TRIM23: variants seen among roughly 807,000 people sequenced by gnomAD.
The protein encoded by TRIM23 is tripartite motif containing 23.
Under a neutral mutation model 71.0 loss-of-function variants are expected in TRIM23, and 27 were observed. That is an observed-to-expected ratio of 0.38 (90% confidence interval 0.28 to 0.52). TRIM23 has a LOEUF of 0.52. TRIM23 is among the 20% of genes least tolerant of loss of function. TRIM23 has a pLI of 0.84. For synonymous variants in TRIM23, 234 were observed against 238.0 expected, an observed-to-expected ratio of 0.98 and a Z score of 0.16; for missense variants, 482 against 692.3, an observed-to-expected ratio of 0.70 and a Z score of 3.41.
chr5:65,604,996 T>G lies in TRIM23; in HGVS notation c.1094A>C (p.Glu365Ala). The G allele has an allele frequency of 6.2e-7, 1 of 1,613,976 alleles. No homozygotes were observed. The highest frequency in any genetic ancestry group is 8.5e-7 in the Non-Finnish European group (1 of 1,179,952). Residue 365 changes from glutamate to alanine, a missense_variant, in exon 7 of 11, where the codon GAA (glutamate) becomes GCA (alanine). Glu to Ala is a moderately radical substitution (Grantham distance 107). Transcript: ENST00000231524. ...CTGCTGCTGCTGTTTCTGCAATGTT[T>G]CCAGTAACCTTGTAATTTCCTGTTT... Reference protein sequence around the residue: ...LAKQEITRLLETLQKQQQQFT... With the variant: ...LAKQEITRLLATLQKQQQQFT...
intron 2 of TRIM23, among the ~76,000 whole-genome samples, chr5:65,616,851 A>G (rs1754790876): frequency 6.6e-6 from 1 of 151,666 alleles, no homozygotes; most frequent in Non-Finnish European, 1.5e-5. Flanking sequence ...CCTCCCAAGT[A>G]GCTGGGATTA....
At chr5:65,613,928 G>GT (rs1440977691) in intron 3 of TRIM23, 170 bp downstream of exon 3, 2 of 1,506,088 alleles carry the variant, frequency 1.3e-6, no homozygotes, top group East Asian at 2.5e-5. Context: ...AATAATTCTA[G>GT]TTTTTTCTCT....
chr5:65,596,928 G>T, intron 8 of TRIM23, 123 bp downstream of exon 8: 1 of 1,206,250 alleles, frequency 8.3e-7, no homozygotes, highest in Non-Finnish European at 1.2e-6. Flanking sequence ...TCTCTGAGAT[G>T]CTGATATCTT....
chr5:65,589,938 T>G lies in TRIM23; in HGVS notation c.*1831A>C, dbSNP rs1238347052. 1 of 173,028 alleles carries G rather than the reference T, an allele frequency of 5.8e-6. No individual in the cohort carries two copies. Among genetic ancestry groups the G allele is most frequent in the East Asian group, 1.5e-4 (1 of 6,490 alleles). The allele number at this position is 173,028 out of a possible 1,614,324, so 10.7% of individuals were successfully genotyped here. ...AGACTAGCACAGTCTTAACTAATGA[T>G]TAGTGAAATAATACAACCACAAATA... On this transcript the variant is annotated 3_prime_UTR_variant, in exon 11 of 11. Transcript: ENST00000231524.
intron 2 of TRIM23, among the ~76,000 whole-genome samples, chr5:65,614,551 A>T (rs992018123): frequency 4.6e-5 from 7 of 152,128 alleles, no homozygotes; most frequent in Non-Finnish European, 1.0e-4. Context: ...CCCAGTCAAC[A>T]TGGTGAAATC....
chr5:65,598,842 T>A (rs1238955178), intron 7 of TRIM23, among the ~76,000 whole-genome samples: 3 of 151,286 alleles, frequency 2.0e-5, no homozygotes, highest in Non-Finnish European at 4.4e-5. Flanking sequence ...TCAATCAGCA[T>A]AATACACAGA....
chr5:65,591,866 A>T lies in TRIM23; in HGVS notation c.1628T>A (p.Ile543Asn). Residue 543 changes from isoleucine (I) to asparagine (N), a missense_variant, in exon 11 of 11, where the codon ATT (isoleucine) becomes AAT (asparagine). Around this residue, in one of 2 missense-constraint regions of TRIM23, gnomAD observed 307 missense variants for 495.8 expected, o/e 0.62. Coordinates refer to ENST00000231524, the MANE Select transcript of TRIM23 (RefSeq NM_001656.4). ...HKLCCGRSWY[I>N]QGCDARSGMG... is the part of the protein sequence containing the mutation. ...ACCACTTCGAGCATCACAGCCCTGA[A>T]TATACCAGCTACGGCCACAGCATAA... The T allele has an allele frequency of 6.2e-7, 1 of 1,614,042 alleles. No individual in the cohort carries two copies. The highest frequency in any genetic ancestry group is 1.1e-5 in the South Asian group (1 of 91,082).
At chr5:65,601,345 AAG>A (rs1275408650) in intron 7 of TRIM23, among the ~76,000 whole-genome samples, 1 of 152,196 alleles carries the variant, frequency 6.6e-6, no homozygotes, top group East Asian at 1.9e-4. Context: ...TGGGAAGAAA[AAG>A]AGGTTTAATT....
rs1753981403 is a variant in TRIM23, at chr5:65,590,247, A to G, written c.*1522T>C. 2.9e-6 allele frequency: 3 copies of G among 1,043,584 alleles called. No individual in the cohort carries two copies. In the South Asian group the frequency reaches 4.7e-5, roughly 16 times the overall value. 64.6% of individuals were successfully genotyped at this position (1,043,584 alleles called of 1,614,324 possible). A position where few individuals can be genotyped will look rare whatever the true frequency, so the allele number is the denominator to read the frequency against. ...AATCAGTCAAATATTAAATAATTTA[A>G]TTCGGAAGTATTATTTATGCACACA... On this transcript the variant is annotated 3_prime_UTR_variant, in exon 11 of 11. Transcript: ENST00000231524.
intron 9 of TRIM23, 33 bp downstream of exon 9, chr5:65,596,388 T>G (rs1167968598): frequency 1.4e-6 from 2 of 1,434,286 alleles, no homozygotes; most frequent in African/African-American, 2.8e-5. Flanking sequence ...ATCCTAAAAA[T>G]GTGAAAAATT....
chr5:65,609,828 C>T (rs1191854340), intron 5 of TRIM23, among the ~76,000 whole-genome samples: 1 of 152,216 alleles, frequency 6.6e-6, no homozygotes, highest in African/African-American at 2.4e-5. Flanking sequence ...AATGACATCT[C>T]AAGCAAAATG....
chr5:65,622,108 A>G (rs1031810485), intron 1 of TRIM23, among the ~76,000 whole-genome samples: 1 of 151,748 alleles, frequency 6.6e-6, no homozygotes, highest in East Asian at 1.9e-4. Flanking sequence ...GCTGAGATTA[A>G]AGGTGTGAAA....
At chr5:65,611,313 G>A (rs915362242) in intron 4 of TRIM23, among the ~76,000 whole-genome samples, 4 of 152,030 alleles carry the variant, frequency 2.6e-5, no homozygotes, top group African/African-American at 9.7e-5. Flanking sequence ...CATAAATATT[G>A]TCAAAACAAT....
intron 2 of TRIM23, among the ~76,000 whole-genome samples, chr5:65,614,607 C>T (rs187594055): frequency 3.3e-5 from 5 of 151,916 alleles, no homozygotes; most frequent in African/African-American, 9.7e-5. Flanking sequence ...TGGCGTCAGG[C>T]GCCCATAATC....
At chr5:65,619,797 T>A (rs1754877180) in intron 1 of TRIM23, among the ~76,000 whole-genome samples, 1 of 152,058 alleles carries the variant, frequency 6.6e-6, no homozygotes, top group South Asian at 2.1e-4. Context: ...AAATGCAAAT[T>A]AAAGCTAGGC....
In TRIM23 at chr5:65,618,175, G is replaced by C. The variant is rs753312248; in HGVS notation, c.162C>G (p.Thr54=). ...KVPRLLLCGH[T]VCHDCLTRLP... ...GGCGAGTGAGACAGTCATGACAGAC[G>C]GTATGGCCACAAAGCAAAAGACGGG... The change falls in exon 2 of 11, where the codon ACC becomes ACG. Residue 54 remains threonine, a synonymous_variant. Transcript: ENST00000231524. 6.2e-7 allele frequency: 1 copy of C among 1,613,986 alleles called. No homozygotes were observed. Among genetic ancestry groups the C allele is most frequent in the East Asian group, 2.2e-5 (1 of 44,858 alleles).
Position 65,590,265 on chromosome 5 carries a change from T to A in TRIM23, c.*1504A>T. 1 of 1,159,468 alleles carries A rather than the reference T, an allele frequency of 8.6e-7. No individual in the cohort carries two copies. Among genetic ancestry groups the A allele is most frequent in the Non-Finnish European group, 1.3e-6 (1 of 798,032 alleles). 71.8% of individuals were successfully genotyped at this position (1,159,468 alleles called of 1,614,324 possible). On this transcript the variant is annotated 3_prime_UTR_variant, in exon 11 of 11. Coordinates refer to ENST00000231524, the MANE Select transcript of TRIM23 (RefSeq NM_001656.4). Reference sequence around the variant, plus strand: ...TAATTTAATTCGGAAGTATTATTTATGCACACAAACTACACCTGTAACAGC... The same window carrying A: ...TAATTTAATTCGGAAGTATTATTTAAGCACACAAACTACACCTGTAACAGC...
At chr5:65,623,309 G>A (rs1323524542) in intron 1 of TRIM23, among the ~76,000 whole-genome samples, 5 of 152,164 alleles carry the variant, frequency 3.3e-5, no homozygotes, top group Non-Finnish European at 1.5e-5. Flanking sequence ...ACTGGAGGAG[G>A]AGTGCATCAG....
Position 65,591,665 on chromosome 5 carries a change from A to ATATATATATATATATATATC in TRIM23, c.*103_*104insGATATATATATATATATATA. ...TTCCTTTATATATATATATATATAT[A>ATATATATATATATATATATC]TGCATCCTAAATTACCATCTTTTGA... On this transcript the variant is annotated 3_prime_UTR_variant, in exon 11 of 11. Transcript: ENST00000231524. 9.7e-7 allele frequency: 1 copy of ATATATATATATATATATATC among 1,033,520 alleles called. No homozygotes were observed. The highest frequency in any genetic ancestry group is 3.1e-5 in the South Asian group (1 of 31,964). The allele number at this position is 1,033,520 out of a possible 1,614,324, so 64.0% of individuals were successfully genotyped here.
Sources: gnomAD v4.1 joint callset for allele counts (sites outside exome capture counted in the v4.1 genomes callset) on GRCh38, gnomAD v4.1.1 for gene constraint, gnomAD v4.1.1 regional missense constraint, MANE v1.5 for transcripts, NCBI Gene and HGNC (gene_info 2026-07-23, HGNC 2026-07-21) for gene names.